NRG3: variants seen among roughly 807,000 people sequenced by gnomAD.
The protein encoded by NRG3 is pro-neuregulin-3, membrane-bound isoform.
NRG3 carries 31 observed loss-of-function variants against 66.9 expected under a neutral mutation model. That is an observed-to-expected ratio of 0.46 (90% confidence interval 0.35 to 0.63). The LOEUF (loss-of-function observed/expected upper bound fraction) is 0.63. NRG3 is among the 20% of genes least tolerant of loss of function. The pLI, the probability that NRG3 is intolerant of heterozygous loss-of-function variation, is 0.00. For synonymous variants in NRG3, 393 were observed against 359.4 expected (o/e 1.09, Z -1.06); for missense variants, 910 against 878.9 (o/e 1.04, Z -0.45).
At chr10:82,067,161 C>T (rs182318910) in intron 1 of NRG3, among the ~76,000 whole-genome samples, 1 of 152,042 alleles carries the variant, frequency 6.6e-6, no homozygotes, top group East Asian at 1.9e-4. Flanking sequence ...CATTGTCAAA[C>T]CCAATTGACA....
At chr10:82,499,910 A>G (rs928009920) in intron 2 of NRG3, among the ~76,000 whole-genome samples, 6 of 152,178 alleles carry the variant, frequency 3.9e-5, no homozygotes, top group Non-Finnish European at 8.8e-5. Flanking sequence ...TGTGAAGGTT[A>G]AATAGAATGA....
intron 2 of NRG3, among the ~76,000 whole-genome samples, chr10:82,701,792 A>G (rs2055900973): frequency 6.6e-6 from 1 of 152,176 alleles, no homozygotes; most frequent in South Asian, 2.1e-4. Context: ...CAATTTGCAG[A>G]TATTAACTTT....
At chr10:82,889,769 G>GT (rs1186826870) in intron 4 of NRG3, among the ~76,000 whole-genome samples, 1 of 152,202 alleles carries the variant, frequency 6.6e-6, no homozygotes, top group Non-Finnish European at 1.5e-5. Context: ...TGAAGGTGGA[G>GT]TTTTGAGTAA....
At chr10:82,470,785 A>G (rs1231854192) in intron 2 of NRG3, among the ~76,000 whole-genome samples, 1 of 152,186 alleles carries the variant, frequency 6.6e-6, no homozygotes, top group African/African-American at 2.4e-5. Context: ...TGTTTCCAGA[A>G]ACAAGTCTCA....
intron 1 of NRG3, chr10:82,229,145 A>C (rs2076322154): frequency 6.6e-6 from 1 of 152,216 alleles, no homozygotes; most frequent in Non-Finnish European, 1.5e-5. Context: ...CACTATATTC[A>C]AAGGTAAATT....
intron 5 of NRG3, 95 bp downstream of exon 5, chr10:82,951,666 C>G (rs2132361573): frequency 9.4e-7 from 1 of 1,060,046 alleles, no homozygotes; most frequent in Non-Finnish European, 1.4e-6. Flanking sequence ...ACAGAGGGAA[C>G]CTGTGGAAAT....
At chr10:81,892,137 A>G (rs1164829984) in intron 1 of NRG3, among the ~76,000 whole-genome samples, 1 of 152,152 alleles carries the variant, frequency 6.6e-6, no homozygotes, top group Non-Finnish European at 1.5e-5. Flanking sequence ...CAACTTTAAA[A>G]AAGAATTCCA....
intron 2 of NRG3, among the ~76,000 whole-genome samples, chr10:82,563,266 G>A (rs2045174881): frequency 6.6e-6 from 1 of 152,046 alleles, no homozygotes; most frequent in Non-Finnish European, 1.5e-5. Flanking sequence ...ATACGTAAAA[G>A]AGAAAAATTG....
intron 2 of NRG3, among the ~76,000 whole-genome samples, chr10:82,477,402 T>C (rs551142991): frequency 3.3e-5 from 5 of 152,204 alleles, no homozygotes; most frequent in Non-Finnish European, 7.3e-5. Context: ...GGCTTTAATG[T>C]ATATGAGCAC....
chr10:81,930,133 C>T (rs1847197747), intron 1 of NRG3, among the ~76,000 whole-genome samples: 1 of 152,132 alleles, frequency 6.6e-6, no homozygotes. Context: ...CTCAGTGATG[C>T]ATGCAGTCAC....
At chr10:81,877,971 G>T in intron 1 of NRG3, 3 of 1,537,678 alleles carry the variant, frequency 2.0e-6, no homozygotes, top group Non-Finnish European at 2.6e-6. Flanking sequence ...ATGGAGTGTG[G>T]TATACCTCCA....
chr10:82,396,603 G>A (rs1011146550), intron 2 of NRG3, among the ~76,000 whole-genome samples: 14 of 152,196 alleles, frequency 9.2e-5, no homozygotes, highest in African/African-American at 3.4e-4. Context: ...GATGTGATTG[G>A]TCATTGGTCA....
chr10:82,953,849 T>C (rs1849758937), intron 5 of NRG3, among the ~76,000 whole-genome samples: 1 of 151,230 alleles, frequency 6.6e-6, no homozygotes, highest in Admixed American at 6.6e-5. Context: ...TCTCAGCTAC[T>C]CGGGAGGCTG....
intron 2 of NRG3, among the ~76,000 whole-genome samples, chr10:82,554,583 G>A (rs982750297): frequency 5.9e-5 from 9 of 152,118 alleles, no homozygotes; most frequent in Non-Finnish European, 1.3e-4. Flanking sequence ...TGAAGGCTGC[G>A]ACATTTTTTG....
At chr10:82,522,246 T>C (rs1344133087) in intron 2 of NRG3, among the ~76,000 whole-genome samples, 2 of 152,042 alleles carry the variant, frequency 1.3e-5, no homozygotes, top group African/African-American at 4.8e-5. Context: ...GATTTCACCA[T>C]GTTGGCCAGG....
At chr10:82,819,248 T>C (rs536867052) in intron 3 of NRG3, among the ~76,000 whole-genome samples, 177 of 152,230 alleles carry the variant, frequency 1.2e-3, no homozygotes, top group Non-Finnish European at 2.0e-3. Context: ...CAAGAACTAA[T>C]TGTGAGATTT....
chr10:81,905,125 G>C (rs1844465123), intron 1 of NRG3, among the ~76,000 whole-genome samples: 1 of 152,088 alleles, frequency 6.6e-6, no homozygotes, highest in Non-Finnish European at 1.5e-5. Flanking sequence ...AAAAGGAAAG[G>C]GCTTTCATTT....
intron 1 of NRG3, among the ~76,000 whole-genome samples, chr10:82,225,749 C>T (rs1336898280): frequency 2.0e-5 from 3 of 152,160 alleles, no homozygotes; most frequent in Non-Finnish European, 4.4e-5. Context: ...TTGGAATCCC[C>T]TTCCTGCATT....
intron 2 of NRG3, among the ~76,000 whole-genome samples, chr10:82,539,972 T>C (rs890912875): frequency 1.3e-5 from 2 of 152,182 alleles, no homozygotes; most frequent in Non-Finnish European, 2.9e-5. Context: ...TCAACTACTT[T>C]TGACTAAGTC....
Sources: gnomAD v4.1 joint callset for allele counts (sites outside exome capture counted in the v4.1 genomes callset) on GRCh38, gnomAD v4.1.1 for gene constraint, MANE v1.5 for transcripts, NCBI Gene and HGNC (gene_info 2026-07-23, HGNC 2026-07-21) for gene names.